The following MYH10 variants were observed in gnomAD, a reference collection of about 807,000 sequenced individuals.
MYH10 encodes myosin-10.
A neutral mutation model predicts 257.8 loss-of-function variants in MYH10; 55 were observed. The ratio of observed to expected loss-of-function variants is 0.21; its 90% CI spans 0.17 to 0.27. The LOEUF is 0.27. Ranked by LOEUF, MYH10 falls within the 10% of genes least tolerant of loss-of-function variation. The pLI, the probability that MYH10 is intolerant of heterozygous loss-of-function variation, is 1.00. For missense variants in MYH10, 1,631 were observed against 2,500.6 expected (o/e 0.65, Z 7.42); for synonymous variants, 854 against 921.7 (o/e 0.93, Z 1.33).
chr17:8,590,873 CTTTTTT>C (rs398030291), intron 3 of MYH10, among the ~76,000 whole-genome samples: 1 of 90,094 alleles, frequency 1.1e-5, no homozygotes, highest in African/African-American at 4.2e-5. Flanking sequence ...TCAATGTCGC[CTTTTTT>C]TTTTTTTTTT....
At position 8,492,446 on chromosome 17, in the gene MYH10, C is replaced by T; in HGVS notation, c.4522G>A (p.Glu1508Lys). 1 of 1,612,786 alleles carries T rather than the reference C, an allele frequency of 6.2e-7. No individual in the cohort carries two copies. The highest frequency in any genetic ancestry group is 8.5e-7 in the Non-Finnish European group (1 of 1,180,020). ...YAEERDRAEA[E>K]AREKETKALS... The stretch of plus-strand genomic sequence containing the variant: ...GCTTTGGTTTCTTTCTCTCTGGCCT[C>T]GGCTTCGGCCCGGTCCCGCTCTTCG... Residue 1508 changes from glutamate to lysine, a missense_variant, in exon 34 of 43, where the codon GAG becomes AAG. Transcript: ENST00000360416.
At chr17:8,560,767 C>T in intron 7 of MYH10, 1 of 606,944 alleles carries the variant, frequency 1.6e-6, no homozygotes, top group Non-Finnish European at 3.1e-6. Flanking sequence ...GCATCTTGTC[C>T]ATGGCAAATG....
chr17:8,525,403 G>A (rs1361023660), intron 17 of MYH10, among the ~76,000 whole-genome samples: 1 of 152,222 alleles, frequency 6.6e-6, no homozygotes, highest in Admixed American at 6.5e-5. Context: ...CTGTGCCTAT[G>A]GTGTCTCTGG....
At chr17:8,527,467 C>T (rs915582058) in intron 17 of MYH10, among the ~76,000 whole-genome samples, 12 of 152,198 alleles carry the variant, frequency 7.9e-5, no homozygotes, top group African/African-American at 2.9e-4. Context: ...CGCTTTCTCC[C>T]GTTGTGGGGT....
chr17:8,533,430 T>C (rs2082056593), intron 16 of MYH10, among the ~76,000 whole-genome samples: 1 of 152,160 alleles, frequency 6.6e-6, no homozygotes, highest in Non-Finnish European at 1.5e-5. Flanking sequence ...TCCACTGTGA[T>C]CATTCTGTAC....
rs1003270322 is a variant in MYH10, at chr17:8,490,638, C to T, written c.4672-86G>A. The T allele has an allele frequency of 9.3e-6, 13 of 1,400,442 alleles. No individual in the cohort carries two copies. Among genetic ancestry groups the T allele is most frequent in the East Asian group, 2.3e-5 (1 of 43,350 alleles). 86.8% of individuals were successfully genotyped at this position (1,400,442 alleles called of 1,614,324 possible). On this transcript the variant is annotated intron_variant, in intron 34 of 42. Transcript: ENST00000360416. The surrounding 1 kb of genome is among the most constrained non-coding windows in gnomAD (Gnocchi z 4.1). The stretch of plus-strand genomic sequence containing the variant: ...AGTCTTACTGTTTTACAGGCCCACT[C>T]GTGGCATGCTGGCCACTTTGGTCCC...
At chr17:8,486,047 A>G (rs200508604) in intron 36 of MYH10, among the ~76,000 whole-genome samples, 39 of 152,364 alleles carry the variant, frequency 2.6e-4, no homozygotes, top group African/African-American at 8.9e-4. Context: ...CTTTGAAAAC[A>G]TCATGCTAAG....
intron 7 of MYH10, among the ~76,000 whole-genome samples, chr17:8,568,309 G>C (rs2082723948): frequency 6.6e-6 from 1 of 152,108 alleles, no homozygotes; most frequent in Admixed American, 6.6e-5. Flanking sequence ...GCTGCTCCCA[G>C]TCTGTGGTAC....
At chr17:8,582,860 T>G (rs2083760750) in intron 4 of MYH10, among the ~76,000 whole-genome samples, 1 of 152,274 alleles carries the variant, frequency 6.6e-6, no homozygotes, top group African/African-American at 2.4e-5. Flanking sequence ...TATTTTATTT[T>G]GTCTGGATAT....
intron 41 of MYH10, 63 bp downstream of exon 41, chr17:8,478,275 C>G (rs1021618783): frequency 7.2e-7 from 1 of 1,386,218 alleles, no homozygotes; most frequent in African/African-American, 1.4e-5. Flanking sequence ...AGTTGTGCCA[C>G]CAGCTCATTC....
Position 8,630,454 on chromosome 17 carries a change from G to A in MYH10, c.-32+200C>T, listed in dbSNP as rs1027644898. On this transcript the variant is annotated intron_variant, in intron 1 of 42. Transcript: ENST00000360416. ...CCCAGTGCCCCCAGCCCAGGACCCT[G>A]CTCAAACTAACCTAAGGTCCCCGCA... 7.8e-4 allele frequency among the ~76,000 whole-genome samples: 118 copies of A among 152,108 alleles called. 1 individual carries two copies. Among genetic ancestry groups the A allele is most frequent in the Non-Finnish European group, 1.2e-4 (8 of 67,978 alleles).
intron 6 of MYH10, among the ~76,000 whole-genome samples, chr17:8,570,703 T>C (rs543029915): frequency 2.4e-4 from 37 of 152,222 alleles, no homozygotes; most frequent in African/African-American, 7.0e-4. Context: ...TAAAAGCTGC[T>C]AGGAAATGCG....
intron 26 of MYH10, among the ~76,000 whole-genome samples, chr17:8,508,085 C>A (rs1470042993): frequency 1.3e-5 from 2 of 152,150 alleles, no homozygotes; most frequent in East Asian, 3.9e-4. Flanking sequence ...CGCTGTGTTA[C>A]CCAGGCTGTA....
At chr17:8,520,775 T>G in intron 19 of MYH10, 103 bp downstream of exon 19, 1 of 1,302,830 alleles carries the variant, frequency 7.7e-7, no homozygotes. Flanking sequence ...GAAAACAAAC[T>G]ATGTAGGGGA....
chr17:8,482,680 GA>G (rs1914042202), intron 37 of MYH10, among the ~76,000 whole-genome samples: 1 of 152,346 alleles, frequency 6.6e-6, no homozygotes, highest in African/African-American at 2.4e-5. Context: ...GAAATAGGGG[GA>G]AGGGCAGGGC....
At chr17:8,573,594 G>C (rs2083414029) in intron 6 of MYH10, among the ~76,000 whole-genome samples, 1 of 152,194 alleles carries the variant, frequency 6.6e-6, no homozygotes, top group Non-Finnish European at 1.5e-5. Flanking sequence ...TGAACTCTGT[G>C]CTAGACTTTG....
At chr17:8,497,437 T>G (rs1916805746) in intron 30 of MYH10, among the ~76,000 whole-genome samples, 1 of 152,158 alleles carries the variant, frequency 6.6e-6, no homozygotes. Flanking sequence ...ACCAACCATG[T>G]ATTAAAAATA....
Position 8,492,403 on chromosome 17 carries a change from G to A in MYH10, c.4565C>T (p.Ala1522Val). 1 of 1,613,448 alleles carries A rather than the reference G, an allele frequency of 6.2e-7. No individual in the cohort carries two copies. The highest frequency in any genetic ancestry group is 1.6e-4 in the Middle Eastern group (1 of 6,062). The part of the protein sequence containing the change: ...KETKALSLAR[A>V]LEEALEAKEE... ...CTTGGCCTCCAGGGCTTCCTCGAGG[G>A]CCCGGGCCAGTGACAGGGCTTTGGT... Residue 1522 changes from alanine to valine, a missense_variant, in exon 34 of 43, where the codon GCC (alanine) becomes GTC (valine). Physicochemically the swap from Ala to Val is moderately conservative, Grantham distance 64. Around this residue, in one of 11 missense-constraint regions of MYH10, gnomAD observed 463 missense variants for 621.8 expected, o/e 0.74. Transcript: ENST00000360416.
intron 3 of MYH10, among the ~76,000 whole-genome samples, chr17:8,595,632 T>C (rs2084338341): frequency 3.9e-5 from 6 of 152,008 alleles, no homozygotes; most frequent in Admixed American, 3.9e-4. Context: ...GTTTTCTCCA[T>C]ATTGGTCAGG....
Sources: allele counts gnomAD v4.1 joint callset (sites outside exome capture counted in the v4.1 genomes callset), GRCh38; gene constraint gnomAD v4.1.1; regional missense constraint gnomAD v4.1.1; non-coding constraint Gnocchi (gnomAD v3.1); transcripts MANE v1.5; gene names NCBI Gene and HGNC (gene_info 2026-07-23, HGNC 2026-07-21).